PTPRM: variants seen among roughly 807,000 people sequenced by gnomAD.
The protein encoded by PTPRM is protein tyrosine phosphatase receptor type M.
PTPRM carries 47 observed loss-of-function variants against 186.7 expected under a neutral mutation model. The ratio of observed to expected loss-of-function variants is 0.25; its 90% confidence interval spans 0.20 to 0.32. PTPRM has a LOEUF of 0.32. Among genes scored for constraint, PTPRM ranks in the 10% least tolerant of loss-of-function variants. PTPRM has a pLI of 1.00. For missense variants in PTPRM, 1,494 were observed against 1,865.0 expected (o/e 0.80, Z 3.66); for synonymous variants, 668 against 674.9 (o/e 0.99, Z 0.16).
At chr18:7,860,972 C>A (rs926046284) in intron 2 of PTPRM, among the ~76,000 whole-genome samples, 1 of 152,194 alleles carries the variant, frequency 6.6e-6, no homozygotes, top group African/African-American at 2.4e-5. Context: ...GCACAGATAG[C>A]AAATGCATTC....
intron 11 of PTPRM, among the ~76,000 whole-genome samples, chr18:8,095,012 T>G (rs1307390363): frequency 2.6e-5 from 4 of 152,266 alleles, no homozygotes; most frequent in Non-Finnish European, 5.9e-5. Context: ...ATAATACCCC[T>G]TATATCTTAC....
intron 20 of PTPRM, among the ~76,000 whole-genome samples, chr18:8,308,634 C>T (rs1332564242): frequency 6.6e-6 from 1 of 152,098 alleles, no homozygotes; most frequent in East Asian, 1.9e-4. Context: ...TTTACACTTA[C>T]AGCACAATTA....
At chr18:7,611,452 C>T (rs1053372720) in intron 1 of PTPRM, among the ~76,000 whole-genome samples, 9 of 152,150 alleles carry the variant, frequency 5.9e-5, no homozygotes, top group Non-Finnish European at 1.0e-4. Context: ...ATCTTCTGTA[C>T]CATATTTTTC....
chr18:7,932,062 C>G (rs1262817291), intron 5 of PTPRM, among the ~76,000 whole-genome samples: 1 of 152,174 alleles, frequency 6.6e-6, no homozygotes, highest in Non-Finnish European at 1.5e-5. Context: ...GTAGAGGTTC[C>G]TGCATTCCTT....
chr18:7,828,713 A>G (rs1360810389), intron 2 of PTPRM, among the ~76,000 whole-genome samples: 1 of 152,190 alleles, frequency 6.6e-6, no homozygotes, highest in Non-Finnish European at 1.5e-5. Context: ...AGTGAAAGAG[A>G]TTAGTCAAAT....
chr18:7,720,901 A>T (rs976657501), intron 1 of PTPRM, among the ~76,000 whole-genome samples: 1 of 151,948 alleles, frequency 6.6e-6, no homozygotes, highest in Non-Finnish European at 1.5e-5. Context: ...GGTTGCTTCT[A>T]CTTTTTGGCT....
intron 23 of PTPRM, among the ~76,000 whole-genome samples, chr18:8,349,868 G>GTAGCA (rs759135707): frequency 3.3e-5 from 5 of 152,208 alleles, no homozygotes; most frequent in South Asian, 2.1e-4. Context: ...ATCAGTCCCA[G>GTAGCA]TAGCAGCGTC....
chr18:7,839,411 T>G (rs1189236452), intron 2 of PTPRM, among the ~76,000 whole-genome samples: 1 of 152,160 alleles, frequency 6.6e-6, no homozygotes, highest in Admixed American at 6.5e-5. Flanking sequence ...GGTGATGAAT[T>G]CTGCCAGGAC....
intron 2 of PTPRM, among the ~76,000 whole-genome samples, chr18:7,785,546 G>C (rs2043059846): frequency 6.6e-6 from 1 of 152,172 alleles, no homozygotes; most frequent in East Asian, 1.9e-4. Flanking sequence ...TACTTTTGAA[G>C]CTAAGCAAAA....
intron 1 of PTPRM, among the ~76,000 whole-genome samples, chr18:7,701,393 G>T (rs2039963226): frequency 6.6e-6 from 1 of 151,430 alleles, no homozygotes; most frequent in South Asian, 2.1e-4. Context: ...AAAGTCAAGA[G>T]TTTGAGACCA....
intron 1 of PTPRM, among the ~76,000 whole-genome samples, chr18:7,737,407 T>C (rs1279252470): frequency 1.3e-5 from 2 of 152,234 alleles, no homozygotes; most frequent in Admixed American, 1.3e-4. Flanking sequence ...CTCTGGAATT[T>C]TTAAACGGAA....
At chr18:7,755,480 T>C (rs1419941467) in intron 1 of PTPRM, among the ~76,000 whole-genome samples, 1 of 152,166 alleles carries the variant, frequency 6.6e-6, no homozygotes, top group Admixed American at 6.5e-5. Flanking sequence ...GAGAGGGGCA[T>C]GTGTGGCCCA....
intron 14 of PTPRM, among the ~76,000 whole-genome samples, chr18:8,222,414 C>T (rs12607046): frequency 0.55 from 83,869 of 151,874 alleles, 23,757 homozygotes; most frequent in East Asian, 0.77. Context: ...TCATCAACCC[C>T]CTACAAAGTA....
chr18:7,677,345 C>T (rs938447179), intron 1 of PTPRM, among the ~76,000 whole-genome samples: 7 of 152,242 alleles, frequency 4.6e-5, no homozygotes, highest in Admixed American at 2.0e-4. Context: ...CCAAAGCTGA[C>T]GAGTGATTAC....
intron 2 of PTPRM, among the ~76,000 whole-genome samples, chr18:7,787,679 T>A (rs1412734773): frequency 6.6e-6 from 1 of 152,216 alleles, no homozygotes; most frequent in Non-Finnish European, 1.5e-5. Flanking sequence ...TGTGCCTGAA[T>A]GAGAAATAAG....
At chr18:7,973,794 T>A (rs1345348861) in intron 7 of PTPRM, among the ~76,000 whole-genome samples, 1 of 152,182 alleles carries the variant, frequency 6.6e-6, no homozygotes, top group South Asian at 2.1e-4. Context: ...ATATATTAAT[T>A]TATCTTGGTA....
chr18:7,832,813 GTCTAGT>G (rs1208181206), intron 2 of PTPRM, among the ~76,000 whole-genome samples: 1 of 152,118 alleles, frequency 6.6e-6, no homozygotes, highest in Non-Finnish European at 1.5e-5. Flanking sequence ...AGAGTTAGGG[GTCTAGT>G]TACATTCTTC....
At chr18:8,124,232 A>G (rs906702769) in intron 13 of PTPRM, among the ~76,000 whole-genome samples, 19 of 152,216 alleles carry the variant, frequency 1.2e-4, no homozygotes, top group African/African-American at 4.1e-4. Context: ...AAAACCAGTA[A>G]AAAACTACTC....
At chr18:7,582,487 C>T (rs1230725642) in intron 1 of PTPRM, among the ~76,000 whole-genome samples, 1 of 152,182 alleles carries the variant, frequency 6.6e-6, no homozygotes, top group African/African-American at 2.4e-5. Context: ...AGTTACAAGG[C>T]CAGCCTAGAA....
Sources: allele counts gnomAD v4.1 joint callset (sites outside exome capture counted in the v4.1 genomes callset), GRCh38; gene constraint gnomAD v4.1.1; transcripts MANE v1.5; gene names NCBI Gene and HGNC (gene_info 2026-07-23, HGNC 2026-07-21).